Variants in FRMD4B observed in about 807,000 individuals in gnomAD.
FRMD4B encodes FERM domain-containing protein 4B.
In FRMD4B, 74 loss-of-function variants were observed where a neutral mutation model predicts 141.5. The observed-to-expected ratio is 0.52, with a 90% CI of 0.43 to 0.63. The LOEUF (loss-of-function observed/expected upper bound fraction) is 0.63. Among genes scored for constraint, FRMD4B ranks in the 30% least tolerant of loss-of-function variants. The pLI, the probability that FRMD4B is intolerant of heterozygous loss-of-function variation, is 0.00. For missense variants in FRMD4B, 1,366 were observed against 1,253.4 expected (o/e 1.09, Z -1.36); for synonymous variants, 506 against 467.9 (o/e 1.08, Z -1.05).
intron 12 of FRMD4B, 40 bp from the exon 13 acceptor site, chr3:69,197,078 G>GC (rs762784275): frequency 4.5e-6 from 7 of 1,571,882 alleles, no homozygotes; most frequent in Non-Finnish European, 5.2e-6. Flanking sequence ...TTCCCCTCTG[G>GC]CCCAGCATGA....
intron 11 of FRMD4B, among the ~76,000 whole-genome samples, chr3:69,207,315 A>AG (rs1410384635): frequency 6.6e-6 from 1 of 150,510 alleles, no homozygotes; most frequent in Non-Finnish European, 1.5e-5. Flanking sequence ...TTTAAAAAAA[A>AG]AAAAAAAAGA....
intron 21 of FRMD4B, 74 bp from the exon 22 acceptor site, chr3:69,176,730 G>T (rs1002435878): frequency 2.2e-6 from 2 of 912,898 alleles, no homozygotes; most frequent in Non-Finnish European, 3.4e-6. Context: ...TCATTCAGAG[G>T]TACATTGCAA....
chr3:69,379,675 C>CT (rs936999679), intron 1 of FRMD4B, among the ~76,000 whole-genome samples: 11 of 152,102 alleles, frequency 7.2e-5, no homozygotes, highest in Admixed American at 1.3e-4. Context: ...TATTCTCCAC[C>CT]TTTTTTTTCT....
At chr3:69,289,621 CTG>C (rs1408936791) in intron 4 of FRMD4B, among the ~76,000 whole-genome samples, 1 of 5,526 alleles carries the variant, frequency 1.8e-4, no homozygotes, top group African/African-American at 1.9e-4. Context: ...CATGGTGAAA[CTG>C]TCTCTTACTA....
At chr3:69,501,755 A>G (rs1706501000) in intron 1 of FRMD4B, among the ~76,000 whole-genome samples, 1 of 152,236 alleles carries the variant, frequency 6.6e-6, no homozygotes, top group Admixed American at 6.5e-5. Context: ...CTGTTTGCAG[A>G]TGACATGATT....
At chr3:69,456,130 C>T (rs1205011996) in intron 1 of FRMD4B, among the ~76,000 whole-genome samples, 1 of 151,880 alleles carries the variant, frequency 6.6e-6, no homozygotes, top group East Asian at 1.9e-4. Flanking sequence ...CACAGGATGC[C>T]CCCAGAGACA....
intron 1 of FRMD4B, among the ~76,000 whole-genome samples, chr3:69,436,182 A>G (rs1402134003): frequency 6.6e-6 from 1 of 152,196 alleles, no homozygotes; most frequent in Non-Finnish European, 1.5e-5. Context: ...TTCTTATCCC[A>G]TAGAAACCTC....
At position 69,296,217 on chromosome 3, in the gene FRMD4B, T is replaced by C. The variant is rs532941434; in HGVS notation, c.416+6126A>G. On this transcript the variant is annotated intron_variant, in intron 4 of 22. Transcript: ENST00000398540. ...GACAAACGCACACATCCTTTAAGCA[T>C]TCATGGCCCATCTGTTTTTTAAAAC... is the stretch of plus-strand genomic sequence containing the variant. Among the ~76,000 whole-genome samples the C allele has an allele frequency of 4.6e-5, 7 of 152,178 alleles. No homozygotes were observed. In the South Asian group the frequency reaches 1.0e-3, roughly 23 times the overall value.
At chr3:69,378,777 T>C (rs1704039458) in intron 1 of FRMD4B, among the ~76,000 whole-genome samples, 1 of 151,686 alleles carries the variant, frequency 6.6e-6, no homozygotes, top group South Asian at 2.1e-4. Context: ...TCAAAATCTC[T>C]CTGTCTTTGT....
In FRMD4B at chr3:69,343,580, T is replaced by TTTG. The variant is rs757839477; in HGVS notation, c.163-30064_163-30063insCAA. Reference sequence around the variant, plus strand: ...CATTTTGTCTTAACAGTTTTTTGTTTTTTTTTTTTTTTTTTTTTAGACGGG... The same window carrying TTTG: ...CATTTTGTCTTAACAGTTTTTTGTTTTTGTTTTTTTTTTTTTTTTTTAGACGGG... On this transcript the variant is annotated intron_variant, in intron 1 of 22. Transcript: ENST00000398540. Among the ~76,000 whole-genome samples, 128 of 34,186 alleles carry TTTG rather than the reference T, an allele frequency of 3.7e-3. 2 individuals are homozygous for TTTG. The highest frequency in any genetic ancestry group is 0.02 in the Middle Eastern group (1 of 50). 22.4% of individuals were successfully genotyped at this position (34,186 alleles called of 152,430 possible).
At chr3:69,172,369 T>G (rs2092597713) in intron 22 of FRMD4B, among the ~76,000 whole-genome samples, 1 of 152,196 alleles carries the variant, frequency 6.6e-6, no homozygotes, top group African/African-American at 2.4e-5. Context: ...GTTTTGTATC[T>G]AATTTAGTAG....
intron 4 of FRMD4B, among the ~76,000 whole-genome samples, chr3:69,300,421 T>C (rs1701176969): frequency 6.6e-6 from 1 of 152,194 alleles, no homozygotes; most frequent in African/African-American, 2.4e-5. Context: ...ACACTCCAAG[T>C]AAGTGCTGAA....
At position 69,335,372 on chromosome 3, in the gene FRMD4B, ATT is replaced by A. The variant is rs35424718; in HGVS notation, c.163-21857_163-21856del. ...CATAACTTTTTTTTTTCATTATTGC[ATT>A]TTTTTTTTTTTTTTCCGAGACAGAG... On this transcript the variant is annotated intron_variant, in intron 1 of 22. Transcript: ENST00000398540. Among the ~76,000 whole-genome samples, 1,289 of 133,784 alleles carry A rather than the reference ATT, an allele frequency of 9.6e-3. 22 individuals are homozygous for A. The highest frequency in any genetic ancestry group is 0.028 in the African/African-American group (991 of 35,638). 87.8% of individuals were successfully genotyped at this position (133,784 alleles called of 152,430 possible). A position where few individuals can be genotyped will look rare whatever the true frequency, so the allele number is the denominator to read the frequency against.
chr3:69,348,727 C>T (rs1365440863), intron 1 of FRMD4B, among the ~76,000 whole-genome samples: 3 of 152,176 alleles, frequency 2.0e-5, no homozygotes, highest in Non-Finnish European at 4.4e-5. Context: ...GAACCAAAGA[C>T]AAAAACCACA....
At chr3:69,455,491 G>A (rs1049758046) in intron 1 of FRMD4B, among the ~76,000 whole-genome samples, 3 of 152,192 alleles carry the variant, frequency 2.0e-5, no homozygotes, top group African/African-American at 4.8e-5. Context: ...AAGGCTCACC[G>A]TGAAGGTCTG....
Position 69,241,726 on chromosome 3 carries a change from C to T in FRMD4B, c.581+7500G>A, listed in dbSNP as rs374665979. 3.7e-4 allele frequency among the ~76,000 whole-genome samples: 56 copies of T among 152,044 alleles called. No individual in the cohort carries two copies. In the East Asian group the frequency reaches 9.5e-3, roughly 26 times the overall value. ...CAGTCTGGCCAACAAGGTAAAACCC[C>T]GTCTCTACTAAAAATTAAAAAATTA... On this transcript the variant is annotated intron_variant, in intron 7 of 22. Transcript: ENST00000398540.
chr3:69,219,528 A>G (rs1472546902), intron 9 of FRMD4B, among the ~76,000 whole-genome samples: 2 of 152,160 alleles, frequency 1.3e-5, no homozygotes, highest in African/African-American at 4.8e-5. Context: ...AGCCTTAACT[A>G]CCAAATGAAA....
intron 1 of FRMD4B, among the ~76,000 whole-genome samples, chr3:69,318,204 G>A (rs1701869511): frequency 6.6e-6 from 1 of 151,958 alleles, no homozygotes. Flanking sequence ...GGATCTCCTG[G>A]GCTCAAGCAA....
chr3:69,259,123 A>G (rs2093510498), intron 5 of FRMD4B, among the ~76,000 whole-genome samples: 1 of 152,234 alleles, frequency 6.6e-6, no homozygotes, highest in Admixed American at 6.5e-5. Flanking sequence ...TCCCGTAACT[A>G]GACCATCCCA....
Sources: allele counts gnomAD v4.1 joint callset (sites outside exome capture counted in the v4.1 genomes callset), GRCh38; gene constraint gnomAD v4.1.1; transcripts MANE v1.5; gene names NCBI Gene and HGNC (gene_info 2026-07-23, HGNC 2026-07-21).